Variants in DISC1 observed in about 807,000 individuals in gnomAD.
The protein encoded by DISC1 is disrupted in schizophrenia 1 protein.
Under a neutral mutation model 84.5 loss-of-function variants are expected in DISC1, and 57 were observed. The ratio of observed to expected loss-of-function variants is 0.67; its 90% CI spans 0.55 to 0.84. The LOEUF is 0.84. Among genes scored for constraint, DISC1 ranks in the 40% least tolerant of loss-of-function variants. DISC1 has a pLI of 0.00. For missense variants in DISC1, 1,000 were observed against 1,057.8 expected, an observed-to-expected ratio of 0.95 and a Z score of 0.76; for synonymous variants, 411 against 415.2, an observed-to-expected ratio of 0.99 and a Z score of 0.12.
Position 231,771,041 on chromosome 1 carries a change from C to G in DISC1, c.1605C>G (p.Phe535Leu), listed in dbSNP as rs929538390. 6.2e-7 allele frequency: 1 copy of G among 1,607,786 alleles called. No individual in the cohort carries two copies. Among genetic ancestry groups the G allele is most frequent in the Admixed American group, 1.7e-5 (1 of 59,068 alleles). Residue 535 changes from phenylalanine (F) to leucine (L), a missense_variant, in exon 6 of 13, where the codon TTC becomes TTG. Around this residue, in one of 3 missense-constraint regions of DISC1, gnomAD observed 397 missense variants for 377.5 expected, o/e 1.05. Coordinates refer to ENST00000439617, the MANE Select transcript of DISC1 (RefSeq NM_018662.3). The part of the protein sequence containing the change: ...DTLASAGQIP[F>L]HAEPPETIRS... ...TGGCCTCAGCCGGTCAGATTCCCTT[C>G]CATGCAGAGCCACCGGAAACCATAA... is the stretch of plus-strand genomic sequence containing the variant.
intron 11 of DISC1, among the ~76,000 whole-genome samples, chr1:232,024,432 G>C (rs1411732882): frequency 2.6e-5 from 4 of 152,110 alleles, no homozygotes; most frequent in African/African-American, 9.7e-5. Flanking sequence ...ATTGTTATTT[G>C]TGGAATCTGA....
At chr1:231,886,556 A>G (rs962968604) in intron 9 of DISC1, among the ~76,000 whole-genome samples, 9 of 152,220 alleles carry the variant, frequency 5.9e-5, no homozygotes, top group Admixed American at 2.0e-4. Flanking sequence ...GTCTACAGAC[A>G]TGTGTCTTAT....
In DISC1 at chr1:232,026,420, T is replaced by G; in HGVS notation, c.2308-15T>G. ...ACGGCACTAACAAGTGATCTTGTTT[T>G]CCCCCTCTCGCCAGGAATCTTACAT... On this transcript the variant is annotated splice_polypyrimidine_tract_variant and intron_variant, in intron 11 of 12. Coordinates refer to ENST00000439617, the MANE Select transcript of DISC1 (RefSeq NM_018662.3). 2 of 1,557,676 alleles carry G rather than the reference T, an allele frequency of 1.3e-6. No homozygotes were observed. Among genetic ancestry groups the G allele is most frequent in the Non-Finnish European group, 1.8e-6 (2 of 1,140,808 alleles).
At chr1:231,991,684 T>A (rs1665222884) in intron 10 of DISC1, among the ~76,000 whole-genome samples, 1 of 152,152 alleles carries the variant, frequency 6.6e-6, no homozygotes, top group South Asian at 2.1e-4. Context: ...GTGGACAAAG[T>A]ATGTTACTTT....
intron 4 of DISC1, among the ~76,000 whole-genome samples, chr1:231,753,449 A>G (rs984720142): frequency 2.0e-5 from 3 of 152,202 alleles, no homozygotes; most frequent in African/African-American, 7.2e-5. Flanking sequence ...GGAAAAACTG[A>G]CAGCAGTGTG....
chr1:231,794,247 C>T (rs2078579981), intron 6 of DISC1, among the ~76,000 whole-genome samples: 1 of 29,934 alleles, frequency 3.3e-5, no homozygotes, highest in Admixed American at 5.9e-4. Flanking sequence ...GAATTTCATT[C>T]TCTTTTTTTT....
chr1:231,790,675 C>G (rs1049597365), intron 6 of DISC1, among the ~76,000 whole-genome samples: 1 of 152,024 alleles, frequency 6.6e-6, no homozygotes, highest in Non-Finnish European at 1.5e-5. Context: ...CCTGCCACCA[C>G]GCTCGGCTAA....
chr1:231,997,742 C>T (rs987866671), intron 10 of DISC1, among the ~76,000 whole-genome samples: 1 of 152,062 alleles, frequency 6.6e-6, no homozygotes, highest in Non-Finnish European at 1.5e-5. Context: ...ACAGATGATT[C>T]CCCCAGAGGC....
chr1:231,902,095 T>G (rs888504204), intron 9 of DISC1, among the ~76,000 whole-genome samples: 2 of 151,986 alleles, frequency 1.3e-5, no homozygotes, highest in African/African-American at 4.8e-5. Context: ...AATCAGTACA[T>G]TATGGCAACT....
intron 3 of DISC1, among the ~76,000 whole-genome samples, chr1:231,716,316 CAAAAA>C (rs397861600): frequency 4.8e-5 from 4 of 82,758 alleles, no homozygotes; most frequent in African/African-American, 1.4e-4. Flanking sequence ...TTTCAATCTG[CAAAAA>C]AAAAAAAAAA....
intron 7 of DISC1, 59 bp from the exon 8 acceptor site, chr1:231,800,049 A>T: frequency 7.4e-7 from 1 of 1,345,692 alleles, no homozygotes; most frequent in Non-Finnish European, 1.1e-6. Context: ...TGGCTGTTCC[A>T]CTGCCTTCTG....
intron 3 of DISC1, among the ~76,000 whole-genome samples, chr1:231,742,990 C>T (rs1393237140): frequency 2.0e-4 from 30 of 152,164 alleles, no homozygotes; most frequent in Admixed American, 1.6e-3. Context: ...ATATTTTCTG[C>T]GATAACTTAT....
At chr1:231,835,811 C>G (rs968709285) in intron 9 of DISC1, among the ~76,000 whole-genome samples, 3 of 152,134 alleles carry the variant, frequency 2.0e-5, no homozygotes, top group African/African-American at 7.2e-5. Context: ...GGACCAAGAA[C>G]AAAGTATAAA....
At chr1:231,672,440 G>A (rs1221476324) in intron 1 of DISC1, among the ~76,000 whole-genome samples, 1 of 152,172 alleles carries the variant, frequency 6.6e-6, no homozygotes, top group East Asian at 1.9e-4. Context: ...GAGAATTTGA[G>A]CTATGTCATT....
chr1:231,761,937 G>GTA, intron 4 of DISC1, among the ~76,000 whole-genome samples: 1 of 151,568 alleles, frequency 6.6e-6, no homozygotes, highest in African/African-American at 2.4e-5. Context: ...ACGAGTAACT[G>GTA]CAAACAGGCT....
chr1:231,700,562 G>C (rs2066284609), intron 2 of DISC1, among the ~76,000 whole-genome samples: 1 of 152,100 alleles, frequency 6.6e-6, no homozygotes, highest in Non-Finnish European at 1.5e-5. Context: ...TTAAGTTTTG[G>C]GGAAGTCAAA....
chr1:231,776,335 A>G (rs1217220033), intron 6 of DISC1, among the ~76,000 whole-genome samples: 1 of 152,196 alleles, frequency 6.6e-6, no homozygotes, highest in Admixed American at 6.5e-5. Context: ...CGGATTTTTC[A>G]TGCTTCATGT....
chr1:231,907,131 C>CTCTTTCTT (rs1258067740), intron 9 of DISC1, among the ~76,000 whole-genome samples: 10,745 of 93,000 alleles, frequency 0.12, 1,020 homozygotes, highest in East Asian at 0.26. Context: ...TCCTTCCTTC[C>CTCTTTCTT]TCTTTCTTTC....
At chr1:232,001,119 C>T (rs2102963891) in intron 10 of DISC1, among the ~76,000 whole-genome samples, 1 of 151,912 alleles carries the variant, frequency 6.6e-6, no homozygotes, top group Non-Finnish European at 1.5e-5. Flanking sequence ...CTCACTCTCA[C>T]CCAGGCTGGA....
Sources: gnomAD v4.1 joint callset for allele counts (sites outside exome capture counted in the v4.1 genomes callset) on GRCh38, gnomAD v4.1.1 for gene constraint, gnomAD v4.1.1 regional missense constraint, MANE v1.5 for transcripts, NCBI Gene and HGNC (gene_info 2026-07-23, HGNC 2026-07-21) for gene names.